NOS3: variants seen among roughly 807,000 people sequenced by gnomAD.
NOS3 encodes NOS type III.
NOS3 carries 98 observed loss-of-function variants against 144.9 expected under a neutral mutation model. That is an observed-to-expected ratio of 0.68 (90% CI 0.57 to 0.80). NOS3 has a LOEUF of 0.80. Ranked by LOEUF, NOS3 falls within the 30% of genes least tolerant of loss-of-function variation. The pLI is 0.00. For missense variants in NOS3, 1,465 were observed against 1,656.4 expected (o/e 0.88, Z 2.01); for synonymous variants, 714 against 702.4 (o/e 1.02, Z -0.26).
chr7:150,999,453 G>T lies in NOS3; in HGVS notation c.1131+89G>T, dbSNP rs1584902624. On this transcript the variant is annotated intron_variant, in intron 9 of 26. Transcript: ENST00000297494. ...CTCCATCCCCAAAATGCCAGCCACG[G>T]GGACAATCAGAGCAGGTCCAGGGTT... 10 of 1,388,388 alleles carry T rather than the reference G, an allele frequency of 7.2e-6. No individual in the cohort carries two copies. The East Asian group carries it at 2.3e-4, about 32-fold the overall frequency. 86.0% of individuals were successfully genotyped at this position (1,388,388 alleles called of 1,614,324 possible). A position where few individuals can be genotyped will look rare whatever the true frequency, so the allele number is the denominator to read the frequency against.
Position 151,003,606 on chromosome 7 carries a change from C to A in NOS3, c.1752+1302C>A. The A allele has an allele frequency of 8.3e-7, 1 of 1,206,908 alleles. No individual in the cohort carries two copies. Among genetic ancestry groups the A allele is most frequent in the Non-Finnish European group, 1.1e-6 (1 of 899,528 alleles). The allele number at this position is 1,206,908 out of a possible 1,614,324, so 74.8% of individuals were successfully genotyped here. ...GCCTTCACAAGGCATAGCACATTTT[C>A]ACCACCCTGGAAAGTTCCCTCATCA... On this transcript the variant is annotated intron_variant, in intron 14 of 26. Transcript: ENST00000297494. This position sits in a 1 kb window ranked among gnomAD's most constrained non-coding sequence, Gnocchi z 4.1.
At chr7:150,991,798 C>A (rs1177548800) in intron 1 of NOS3, among the ~76,000 whole-genome samples, 1 of 152,084 alleles carries the variant, frequency 6.6e-6, no homozygotes, top group African/African-American at 2.4e-5. Flanking sequence ...GAGTTCGAGA[C>A]CAGCCTGGTC....
rs1259178453 is a variant in NOS3 at position 151,009,015 on chromosome 7, A to C, written c.2198A>C (p.Gln733Pro). 6.2e-7 allele frequency: 1 copy of C among 1,611,962 alleles called. No individual in the cohort carries two copies. The highest frequency in any genetic ancestry group is 2.2e-5 in the East Asian group (1 of 44,838). ...AGCCCCAAACGGAGCTGGAAGCGCCAGAGGTACCGGCTGAGCGCCCAGGCC... is the reference window on the plus strand; with the variant it reads ...AGCCCCAAACGGAGCTGGAAGCGCCCGAGGTACCGGCTGAGCGCCCAGGCC... ...IFSPKRSWKR[Q>P]RYRLSAQAEG... The change falls in exon 18 of 27, where the codon CAG becomes CCG. Residue 733 changes from glutamine to proline, a missense_variant. By Grantham distance (76) the Gln-to-Pro change is moderately conservative. This residue lies in a region of NOS3 where 745 missense variants were observed against 853.9 expected (regional missense o/e 0.87). Coordinates refer to ENST00000297494, the MANE Select transcript of NOS3 (RefSeq NM_000603.5).
Position 151,006,482 on chromosome 7 carries a change from C to T in NOS3, c.1808C>T (p.Pro603Leu), listed in dbSNP as rs775196686. The change falls in exon 15 of 27, where the codon CCG (proline) becomes CTG (leucine). Residue 603 changes from proline (P) to leucine (L), a missense_variant. Transcript: ENST00000297494. ...GGCCCCTACAACAGCTCCCCTCGGCCGGAACAGCACAAGTGAGTTGGGTGA... is the reference window on the plus strand; with the variant it reads ...GGCCCCTACAACAGCTCCCCTCGGCTGGAACAGCACAAGTGAGTTGGGTGA... ...MSGPYNSSPR[P>L]EQHKSYKIRF... 11 of 1,613,506 alleles carry T rather than the reference C, an allele frequency of 6.8e-6. No individual in the cohort carries two copies. The highest frequency in any genetic ancestry group is 1.6e-4 in the Middle Eastern group (1 of 6,062).
rs149818096 is a variant in NOS3 at position 151,014,101 on chromosome 7, G to T, written c.3544G>T (p.Glu1182Ter). Residue 1182 changes from glutamate (E) to a stop codon, truncating the protein, a stop_gained, in exon 27 of 27, where the codon GAG (glutamate) becomes TAG (stop). Transcript: ENST00000297494. LOFTEE classifies it high-confidence loss of function. The part of the protein sequence containing the change: ...RIRTQSFSLQ[E>*]RQLRGAVPWA... ...ACGCACCCAGAGCTTTTCCTTGCAG[G>T]AGCGTCAGTTGCGGGGCGCAGTGCC... 6.2e-7 allele frequency: 1 copy of T among 1,613,726 alleles called. No homozygotes were observed. Among genetic ancestry groups the T allele is most frequent in the Admixed American group, 1.7e-5 (1 of 60,028 alleles).
At chr7:151,013,117 G>A in intron 24 of NOS3, 114 bp from the exon 25 acceptor site, 1 of 1,120,374 alleles carries the variant, frequency 8.9e-7, no homozygotes. Flanking sequence ...CAAAGTAATG[G>A]TGGTTTCAGC....
Position 151,010,251 on chromosome 7 carries a change from G to T in NOS3, c.2649G>T (p.Glu883Asp), listed in dbSNP as rs1795275692. Residue 883 changes from glutamate to aspartate, a missense_variant, in exon 21 of 27, where the codon GAG becomes GAT. Physicochemically the swap from Glu to Asp is conservative, Grantham distance 45. Coordinates refer to ENST00000297494, the MANE Select transcript of NOS3 (RefSeq NM_000603.5). Reference sequence around the variant, plus strand: ...GGCTGCTCAGCACCTTGGCAGAAGAGCCCAGGGAACAGCAGGAGCTGGAGG... The same window carrying T: ...GGCTGCTCAGCACCTTGGCAGAAGATCCCAGGGAACAGCAGGAGCTGGAGG... Reference protein sequence around the residue: ...LLRLLSTLAEEPREQQELEAL... With the variant: ...LLRLLSTLAEDPREQQELEAL... 3 of 1,612,934 alleles carry T rather than the reference G, an allele frequency of 1.9e-6. No homozygotes were observed. Among genetic ancestry groups the T allele is most frequent in the East Asian group, 2.2e-5 (1 of 44,884 alleles).
chr7:150,994,429 G>A (rs1023874533), intron 2 of NOS3, among the ~76,000 whole-genome samples: 4 of 152,222 alleles, frequency 2.6e-5, no homozygotes, highest in Non-Finnish European at 5.9e-5. Context: ...GAGGGAGAGA[G>A]TTGGGCAGGA....
chr7:151,009,311 A>T, intron 19 of NOS3, 44 bp downstream of exon 19: 2 of 1,443,128 alleles, frequency 1.4e-6, no homozygotes, highest in Non-Finnish European at 1.9e-6. Flanking sequence ...TGTCCTGAAC[A>T]CCCTGACCCT....
intron 9 of NOS3, 63 bp downstream of exon 9, chr7:150,999,427 A>C: frequency 3.4e-6 from 5 of 1,484,682 alleles, no homozygotes; most frequent in South Asian, 1.4e-5. Context: ...TCTGGCTCTC[A>C]CTCCATCCCC....
Position 150,998,576 on chromosome 7 carries a change from C to G in NOS3, c.712C>G (p.Arg238Gly), listed in dbSNP as rs1802489218. 1.2e-6 allele frequency: 2 copies of G among 1,609,122 alleles called. No homozygotes were observed. The highest frequency in any genetic ancestry group is 2.2e-5 in the South Asian group (2 of 90,416). ...AGTGTTCCCGCAGCGCTGCCCTGGC[C>G]GAGGAGACTTCCGAATCTGGAACAG... ...ITVFPQRCPG[R>G]GDFRIWNSQL... The change falls in exon 7 of 27, where the codon CGA (arginine) becomes GGA (glycine). Residue 238 changes from arginine to glycine, a missense_variant. Coordinates refer to ENST00000297494, the MANE Select transcript of NOS3 (RefSeq NM_000603.5). The surrounding 1 kb of genome is among the most constrained non-coding windows in gnomAD (Gnocchi z 5.0).
chr7:151,007,317 G>A, intron 17 of NOS3, 41 bp downstream of exon 17: 1 of 1,546,908 alleles, frequency 6.5e-7, no homozygotes, highest in African/African-American at 1.4e-5. Flanking sequence ...CTGCCCCCTG[G>A]GATGCCTCCT....
At chr7:151,005,848 C>T (rs192284692) in intron 14 of NOS3, among the ~76,000 whole-genome samples, 87 of 152,236 alleles carry the variant, frequency 5.7e-4, no homozygotes, top group African/African-American at 1.9e-3. Context: ...AACAACACAG[C>T]GAGACTCCAT....
At position 150,996,687 on chromosome 7, in the gene NOS3, G is replaced by C. The variant is rs893994441; in HGVS notation, c.420-76G>C. ...CCCCTCCCGCCCTCCCCCAGCACTTGCACAAAGCCTGGAGGAGGGCCTCCC... is the reference window on the plus strand; with the variant it reads ...CCCCTCCCGCCCTCCCCCAGCACTTCCACAAAGCCTGGAGGAGGGCCTCCC... On this transcript the variant is annotated intron_variant, in intron 4 of 26. Coordinates refer to ENST00000297494, the MANE Select transcript of NOS3 (RefSeq NM_000603.5). 4 of 1,525,350 alleles carry C rather than the reference G, an allele frequency of 2.6e-6. No homozygotes were observed. The African/African-American group carries it at 5.5e-5, about 21-fold the overall frequency. 94.5% of individuals were successfully genotyped at this position (1,525,350 alleles called of 1,614,324 possible).
intron 9 of NOS3, among the ~76,000 whole-genome samples, chr7:151,000,007 G>A (rs3918171): frequency 0.025 from 3,648 of 147,624 alleles, 144 homozygotes; most frequent in African/African-American, 0.072. Context: ...GTGTGTAGGG[G>A]CGAGTGTGAG....
At position 151,014,410 on chromosome 7, in the gene NOS3, C is replaced by G. The variant is rs1290980021; in HGVS notation, c.*241C>G. 1 of 493,688 alleles carries G rather than the reference C, an allele frequency of 2.0e-6. No homozygotes were observed. Among genetic ancestry groups the G allele is most frequent in the African/African-American group, 2.0e-5 (1 of 51,198 alleles). 30.6% of individuals were successfully genotyped at this position (493,688 alleles called of 1,614,324 possible). On this transcript the variant is annotated 3_prime_UTR_variant, in exon 27 of 27. Transcript: ENST00000297494. ...GAAGGCCCCTCCCAGCAGCGGTACC[C>G]CAGGGCCTACTGCCACCCGCTTCCT...
In NOS3 at chr7:150,999,225, A is replaced by G. The variant is rs769779233; in HGVS notation, c.992A>G (p.Tyr331Cys). The G allele has an allele frequency of 3.1e-6, 5 of 1,611,160 alleles. No homozygotes were observed. Among genetic ancestry groups the G allele is most frequent in the Non-Finnish European group, 4.2e-6 (5 of 1,179,394 alleles). ...EWFAALGLRW[Y>C]ALPAVSNMLL... ...TTTGCAGCCCTGGGCCTGCGCTGGTACGCCCTCCCGGCAGTGTCCAACATG... is the reference window on the plus strand; with the variant it reads ...TTTGCAGCCCTGGGCCTGCGCTGGTGCGCCCTCCCGGCAGTGTCCAACATG... Residue 331 changes from tyrosine to cysteine, a missense_variant, in exon 9 of 27, where the codon TAC becomes TGC. Around this residue, in one of 5 missense-constraint regions of NOS3, gnomAD observed 745 missense variants for 853.9 expected, o/e 0.87. Transcript: ENST00000297494.
chr7:150,998,911 C>T lies in NOS3; in HGVS notation c.817-35C>T, dbSNP rs1457369121. 1 of 1,591,962 alleles carries T rather than the reference C, an allele frequency of 6.3e-7. No homozygotes were observed. Among genetic ancestry groups the T allele is most frequent in the Non-Finnish European group, 8.5e-7 (1 of 1,170,326 alleles). ...GGGTCCCTGAGGAGGGCATGAGGCT[C>T]AGCCCCAGAACCCCCTCTGGCCCAC... On this transcript the variant is annotated intron_variant, in intron 7 of 26. Coordinates refer to ENST00000297494, the MANE Select transcript of NOS3 (RefSeq NM_000603.5). The surrounding 1 kb of genome is among the most constrained non-coding windows in gnomAD (Gnocchi z 5.0).
rs746194718 is a variant in NOS3, at chr7:151,001,213, CCT to C, written c.1234-10_1234-9del. 5.0e-6 allele frequency: 8 copies of C among 1,610,650 alleles called. No homozygotes were observed. Among genetic ancestry groups the C allele is most frequent in the African/African-American group, 2.7e-5 (2 of 74,828 alleles). ...TGTGGGTCTGGTTTGAGCCTCTCCCCCTCTCTCTCCCTTCCAGCTAGCCAAAG... is the reference window on the plus strand; with the variant it reads ...TGTGGGTCTGGTTTGAGCCTCTCCCCCTCTCTCCCTTCCAGCTAGCCAAAG... On this transcript the variant is annotated splice_polypyrimidine_tract_variant and intron_variant, in intron 10 of 26. Coordinates refer to ENST00000297494, the MANE Select transcript of NOS3 (RefSeq NM_000603.5).
Sources: gnomAD v4.1 joint callset for allele counts (sites outside exome capture counted in the v4.1 genomes callset) on GRCh38, gnomAD v4.1.1 for gene constraint, gnomAD v4.1.1 regional missense constraint, Gnocchi (gnomAD v3.1) non-coding constraint, MANE v1.5 for transcripts, NCBI Gene and HGNC (gene_info 2026-07-23, HGNC 2026-07-21) for gene names.